The following ANTXR1 variants were observed in gnomAD, a reference collection of about 807,000 sequenced individuals.
The protein encoded by ANTXR1 is anthrax toxin receptor 1.
Under a neutral mutation model 78.1 loss-of-function variants are expected in ANTXR1, and 19 were observed. That is an observed-to-expected ratio of 0.24 (90% CI 0.17 to 0.36). The LOEUF (loss-of-function observed/expected upper bound fraction) is 0.36. Among genes scored for constraint, ANTXR1 ranks in the 10% least tolerant of loss-of-function variants. ANTXR1 has a pLI of 1.00. For missense variants in ANTXR1, 518 were observed against 718.6 expected, an observed-to-expected ratio of 0.72 and a Z score of 3.19; for synonymous variants, 273 against 260.5, an observed-to-expected ratio of 1.05 and a Z score of -0.46.
At chr2:69,195,190 A>AAAAAGAAAAAG (rs201522003) in intron 17 of ANTXR1, among the ~76,000 whole-genome samples, 1 of 144,084 alleles carries the variant, frequency 6.9e-6, no homozygotes, top group African/African-American at 2.7e-5. Flanking sequence ...AAAGAAAAAG[A>AAAAAGAAAAAG]AAAAAAAAAA....
intron 12 of ANTXR1, chr2:69,145,519 C>A: frequency 7.0e-7 from 1 of 1,438,348 alleles, no homozygotes. Flanking sequence ...ACTGAGTGCC[C>A]CAACATGGAA....
rs374816305 is a variant in ANTXR1, at chr2:69,193,412, C to T, written c.1431C>T (p.Asp477=). 6.8e-6 allele frequency: 11 copies of T among 1,613,032 alleles called. No individual in the cohort carries two copies. Among genetic ancestry groups the T allele is most frequent in the African/African-American group, 1.3e-5 (1 of 74,730 alleles). ...CTGTGATGCGTCCACAGCCAGGAGA[C>T]ACGGTAGGACTCGTTAATTCATTAA... ...RVSVMRPQPG[D]TGRCINFTRV... The change falls in exon 17 of 18, where the codon GAC becomes GAT. Residue 477 remains aspartate (D), a synonymous_variant. Coordinates refer to ENST00000303714, the MANE Select transcript of ANTXR1 (RefSeq NM_032208.3).
intron 3 of ANTXR1, among the ~76,000 whole-genome samples, chr2:69,061,816 A>AT (rs1558504184): frequency 6.6e-6 from 1 of 152,208 alleles, no homozygotes; most frequent in African/African-American, 2.4e-5. Flanking sequence ...AGCATCTAGT[A>AT]TTTTTCTTTC....
chr2:69,062,267 A>G (rs1200991781), intron 3 of ANTXR1, among the ~76,000 whole-genome samples: 1 of 152,186 alleles, frequency 6.6e-6, no homozygotes, highest in Non-Finnish European at 1.5e-5. Flanking sequence ...ACATTTCTGC[A>G]TTTTTCCAAG....
At chr2:69,094,733 C>T (rs1318552971) in intron 9 of ANTXR1, among the ~76,000 whole-genome samples, 6 of 152,152 alleles carry the variant, frequency 3.9e-5, no homozygotes, top group East Asian at 1.9e-4. Context: ...GAGCTCTGGG[C>T]GAGGCAGCGA....
chr2:69,225,481 ATTT>A (rs1451794187), intron 17 of ANTXR1, among the ~76,000 whole-genome samples: 1 of 152,110 alleles, frequency 6.6e-6, no homozygotes, highest in Non-Finnish European at 1.5e-5. Context: ...TTAAAAATTT[ATTT>A]TTTATTTTAT....
chr2:69,142,106 T>A (rs1673086155), intron 12 of ANTXR1, among the ~76,000 whole-genome samples: 1 of 152,178 alleles, frequency 6.6e-6, no homozygotes, highest in Admixed American at 6.5e-5. Context: ...CACATATTAG[T>A]AAGTAGAAGT....
intron 1 of ANTXR1, among the ~76,000 whole-genome samples, chr2:69,020,745 A>G (rs1037124658): frequency 2.6e-5 from 4 of 152,216 alleles, no homozygotes; most frequent in African/African-American, 9.7e-5. Flanking sequence ...AGAATATTTA[A>G]ACATTTGTTG....
chr2:69,184,037 A>G (rs1000292862), intron 16 of ANTXR1, among the ~76,000 whole-genome samples: 43 of 142,882 alleles, frequency 3.0e-4, no homozygotes, highest in African/African-American at 1.2e-3. Context: ...GCCAGCTCCC[A>G]TCACCATCCA....
intron 14 of ANTXR1, among the ~76,000 whole-genome samples, chr2:69,179,910 C>T (rs112904794): frequency 0.04 from 6,057 of 152,206 alleles, 420 homozygotes; most frequent in African/African-American, 0.14. Context: ...ATGTGTTTAT[C>T]GAGCACCTAC....
At chr2:69,208,988 G>A (rs753513798) in intron 17 of ANTXR1, among the ~76,000 whole-genome samples, 89 of 152,180 alleles carry the variant, frequency 5.8e-4, no homozygotes, top group Non-Finnish European at 1.2e-3. Context: ...CTGCAGCCCC[G>A]ACCTCTCAGG....
At chr2:69,229,795 T>G (rs760754671) in intron 17 of ANTXR1, among the ~76,000 whole-genome samples, 22 of 149,306 alleles carry the variant, frequency 1.5e-4, no homozygotes, top group Non-Finnish European at 3.0e-4. Context: ...GTGAGACCCA[T>G]CCAAAATGTT....
At chr2:69,196,383 C>T (rs931538066) in intron 17 of ANTXR1, among the ~76,000 whole-genome samples, 1 of 152,214 alleles carries the variant, frequency 6.6e-6, no homozygotes, top group African/African-American at 2.4e-5. Flanking sequence ...GAAATCGATA[C>T]AGAAAATTGT....
intron 9 of ANTXR1, among the ~76,000 whole-genome samples, chr2:69,097,352 G>A (rs977195401): frequency 1.3e-5 from 2 of 152,264 alleles, no homozygotes; most frequent in African/African-American, 2.4e-5. Flanking sequence ...TTCAGCAGCA[G>A]TTGTATTCCT....
At chr2:69,023,821 CTT>C (rs1173965387) in intron 1 of ANTXR1, among the ~76,000 whole-genome samples, 3 of 152,032 alleles carry the variant, frequency 2.0e-5, no homozygotes, top group African/African-American at 7.2e-5. Context: ...GAGGAGGTGA[CTT>C]TGGATCTGGA....
At chr2:69,030,015 C>T (rs1004414443) in intron 1 of ANTXR1, among the ~76,000 whole-genome samples, 1 of 152,186 alleles carries the variant, frequency 6.6e-6, no homozygotes, top group Non-Finnish European at 1.5e-5. Context: ...TTATTCTTAG[C>T]TCCCAAACTC....
intron 3 of ANTXR1, among the ~76,000 whole-genome samples, chr2:69,047,745 T>C (rs892783844): frequency 1.3e-5 from 2 of 152,174 alleles, no homozygotes; most frequent in African/African-American, 4.8e-5. Flanking sequence ...ACTTGGTTGC[T>C]TTTTCTGTTG....
At position 69,192,452 on chromosome 2, in the gene ANTXR1, T is replaced by C. The variant is rs137944990; in HGVS notation, c.1354-883T>C. Among the ~76,000 whole-genome samples the C allele has an allele frequency of 3.2e-3, 483 of 152,256 alleles. 6 individuals are homozygous for C. The highest frequency in any genetic ancestry group is 0.011 in the African/African-American group (462 of 41,534). On this transcript the variant is annotated intron_variant, in intron 16 of 17. Coordinates refer to ENST00000303714, the MANE Select transcript of ANTXR1 (RefSeq NM_032208.3). ...CACACCTAATCACTGTGACTCTGCT[T>C]CTATCCGCACATCTCCTTCTCTGGA...
chr2:69,162,267 A>G (rs763241921), intron 13 of ANTXR1, among the ~76,000 whole-genome samples: 1 of 152,176 alleles, frequency 6.6e-6, no homozygotes, highest in Non-Finnish European at 1.5e-5. Flanking sequence ...GTTTGGCTTA[A>G]TAGCCTTTCA....
Sources: gnomAD v4.1 joint callset for allele counts (sites outside exome capture counted in the v4.1 genomes callset) on GRCh38, gnomAD v4.1.1 for gene constraint, MANE v1.5 for transcripts, NCBI Gene and HGNC (gene_info 2026-07-23, HGNC 2026-07-21) for gene names.